RABGAP1L: variants seen among roughly 807,000 people sequenced by gnomAD.
The protein encoded by RABGAP1L is RAB GTPase activating protein 1 like, also known as rab GTPase-activating protein 1-like.
Under a neutral mutation model 137.7 loss-of-function variants are expected in RABGAP1L, and 63 were observed. The ratio of observed to expected loss-of-function variants is 0.46; its 90% CI spans 0.37 to 0.56. The LOEUF (loss-of-function observed/expected upper bound fraction) is 0.56. Among genes scored for constraint, RABGAP1L ranks in the 20% least tolerant of loss-of-function variants. RABGAP1L has a pLI of 0.00. For missense variants in RABGAP1L, 1,095 were observed against 1,244.0 expected (o/e 0.88, Z 1.80); for synonymous variants, 431 against 433.7 (o/e 0.99, Z 0.08).
chr1:174,964,275 G>T (rs1347922363), intron 20 of RABGAP1L, among the ~76,000 whole-genome samples: 1 of 152,144 alleles, frequency 6.6e-6, no homozygotes, highest in African/African-American at 2.4e-5. Context: ...GTCTTTAAAA[G>T]CATGTGCCAA....
intron 18 of RABGAP1L, among the ~76,000 whole-genome samples, chr1:174,770,043 A>T (rs1451464086): frequency 6.6e-6 from 1 of 152,176 alleles, no homozygotes; most frequent in Admixed American, 6.5e-5. Flanking sequence ...AGAAGTCTAA[A>T]CACCTGAAAA....
chr1:174,897,369 A>G lies in RABGAP1L; in HGVS notation c.2341-60088A>G, dbSNP rs562225125. 2.6e-5 allele frequency: 4 copies of G among 152,308 alleles called. No homozygotes were observed. In the East Asian group the frequency reaches 5.8e-4, roughly 22 times the overall value. 9.4% of individuals were successfully genotyped at this position (152,308 alleles called of 1,614,324 possible). On this transcript the variant is annotated intron_variant, in intron 19 of 25. Coordinates refer to ENST00000681986, the MANE Select transcript of RABGAP1L (RefSeq NM_001366446.1). ...CGAGCCTACTCTAATTCTTTAATCT[A>G]TGTAGTAGTTGCTTATATATTAAAC... is the stretch of plus-strand genomic sequence containing the variant.
chr1:174,715,610 A>G (rs1243052717), intron 17 of RABGAP1L, among the ~76,000 whole-genome samples: 1 of 152,202 alleles, frequency 6.6e-6, no homozygotes, highest in African/African-American at 2.4e-5. Flanking sequence ...CCCAATTTAG[A>G]AATAGGTTTT....
chr1:174,643,953 G>A (rs1282923643), intron 14 of RABGAP1L, among the ~76,000 whole-genome samples: 1 of 151,548 alleles, frequency 6.6e-6, no homozygotes, highest in Non-Finnish European at 1.5e-5. Context: ...ATGTATGTAT[G>A]TATGTATGTA....
intron 1 of RABGAP1L, among the ~76,000 whole-genome samples, chr1:174,177,695 A>G (rs1666002678): frequency 6.6e-6 from 1 of 152,216 alleles, no homozygotes; most frequent in African/African-American, 2.4e-5. Flanking sequence ...AGTTTTCTGC[A>G]TATGGCTAGC....
At chr1:174,459,817 A>G (rs376495072) in intron 13 of RABGAP1L, among the ~76,000 whole-genome samples, 1 of 152,282 alleles carries the variant, frequency 6.6e-6, no homozygotes, top group East Asian at 1.9e-4. Flanking sequence ...TAGTAGAGCC[A>G]TCATTAGAAC....
At chr1:174,416,037 C>CATATATACAT (rs1553297986) in intron 13 of RABGAP1L, among the ~76,000 whole-genome samples, 1 of 126,266 alleles carries the variant, frequency 7.9e-6, no homozygotes, top group African/African-American at 3.7e-5. Context: ...TATATATATA[C>CATATATACAT]ACACACATTT....
At position 174,378,283 on chromosome 1, in the gene RABGAP1L, T is replaced by G. The variant is rs1393694644; in HGVS notation, c.1559+7211T>G. On this transcript the variant is annotated intron_variant, in intron 12 of 25. Coordinates refer to ENST00000681986, the MANE Select transcript of RABGAP1L (RefSeq NM_001366446.1). Reference sequence around the variant, plus strand: ...GTCTTTATAGCAGCATGATTTATAGTCCTTTGGGTATATACCGAGTAATGG... The same window carrying G: ...GTCTTTATAGCAGCATGATTTATAGGCCTTTGGGTATATACCGAGTAATGG... Among the ~76,000 whole-genome samples the G allele has an allele frequency of 2.6e-5, 4 of 151,912 alleles. No individual in the cohort carries two copies. The South Asian group carries it at 8.3e-4, about 32-fold the overall frequency.
intron 13 of RABGAP1L, among the ~76,000 whole-genome samples, chr1:174,479,399 C>T (rs1333000026): frequency 6.6e-6 from 1 of 152,198 alleles, no homozygotes; most frequent in Non-Finnish European, 1.5e-5. Context: ...GGGCTCCACT[C>T]ATCAGAGTCT....
intron 11 of RABGAP1L, among the ~76,000 whole-genome samples, chr1:174,339,432 A>G (rs954910807): frequency 6.6e-6 from 1 of 152,224 alleles, no homozygotes; most frequent in African/African-American, 2.4e-5. Flanking sequence ...ATTCAGGGCT[A>G]TAACTGTACA....
chr1:174,493,987 C>G (rs1444374961), intron 13 of RABGAP1L, among the ~76,000 whole-genome samples: 1 of 152,062 alleles, frequency 6.6e-6, no homozygotes. Context: ...TGCCATTTTT[C>G]AGTTAGATGG....
At chr1:174,371,977 T>C (rs1379377310) in intron 12 of RABGAP1L, among the ~76,000 whole-genome samples, 1 of 152,204 alleles carries the variant, frequency 6.6e-6, no homozygotes, top group African/African-American at 2.4e-5. Context: ...TTGTAAAATC[T>C]GGAGATTAGG....
At chr1:174,756,800 G>A (rs1237037355) in intron 18 of RABGAP1L, 2 of 515,286 alleles carry the variant, frequency 3.9e-6, no homozygotes, top group African/African-American at 1.9e-5. Flanking sequence ...GTCCCTACTC[G>A]GTTGCAAACT....
chr1:174,482,758 T>C (rs545007701), intron 13 of RABGAP1L, among the ~76,000 whole-genome samples: 2 of 152,302 alleles, frequency 1.3e-5, no homozygotes, highest in South Asian at 4.1e-4. Flanking sequence ...ATTACAGGGG[T>C]GAGCCACCAT....
In RABGAP1L at chr1:174,608,134, G is replaced by A. The variant is rs541877818; in HGVS notation, c.1711-29241G>A. On this transcript the variant is annotated intron_variant, in intron 13 of 25. Transcript: ENST00000681986. ...GTGAGTGCCCAACAAAGAAAAATTTGCCCCATCCTAGCTTTCATATGTGCC... is the reference window on the plus strand; with the variant it reads ...GTGAGTGCCCAACAAAGAAAAATTTACCCCATCCTAGCTTTCATATGTGCC... Among the ~76,000 whole-genome samples, 3 of 152,254 alleles carry A rather than the reference G, an allele frequency of 2.0e-5. No homozygotes were observed. In the East Asian group the frequency reaches 5.8e-4, roughly 29 times the overall value.
intron 11 of RABGAP1L, among the ~76,000 whole-genome samples, chr1:174,335,103 A>T (rs948782940): frequency 6.6e-6 from 1 of 152,148 alleles, no homozygotes; most frequent in Admixed American, 6.6e-5. Context: ...AAGCTACGAA[A>T]ATTACAGAGT....
At chr1:174,416,957 T>C (rs1375038277) in intron 13 of RABGAP1L, among the ~76,000 whole-genome samples, 1 of 152,166 alleles carries the variant, frequency 6.6e-6, no homozygotes, top group Non-Finnish European at 1.5e-5. Flanking sequence ...TTGATGTTGT[T>C]TTTGTTAATT....
At chr1:174,987,115 G>T (rs940010723) in intron 24 of RABGAP1L, among the ~76,000 whole-genome samples, 2 of 152,190 alleles carry the variant, frequency 1.3e-5, no homozygotes, top group South Asian at 4.1e-4. Context: ...TACTGAGAAG[G>T]TGACCCCTAG....
chr1:174,192,035 G>C (rs1376158276), intron 1 of RABGAP1L, among the ~76,000 whole-genome samples: 1 of 152,138 alleles, frequency 6.6e-6, no homozygotes, highest in Non-Finnish European at 1.5e-5. Context: ...AAAGTGGTTA[G>C]AGTATTAGAC....
Sources: allele counts gnomAD v4.1 joint callset (sites outside exome capture counted in the v4.1 genomes callset), GRCh38; gene constraint gnomAD v4.1.1; transcripts MANE v1.5; gene names NCBI Gene and HGNC (gene_info 2026-07-23, HGNC 2026-07-21).